The following ZNF445 variants were observed in gnomAD, a reference collection of about 807,000 sequenced individuals.
ZNF445 encodes the protein zinc finger protein 168.
ZNF445 carries 19 observed loss-of-function variants against 93.9 expected under a neutral mutation model. The observed-to-expected ratio is 0.20, with a 90% CI of 0.14 to 0.30. The LOEUF (loss-of-function observed/expected upper bound fraction) is 0.30, where lower values mean the gene tolerates loss of function less well. ZNF445 is among the 10% of genes least tolerant of loss of function. ZNF445 has a pLI of 1.00. For synonymous variants in ZNF445, 449 were observed against 446.3 expected (o/e 1.01, Z -0.08); for missense variants, 1,058 against 1,259.4 (o/e 0.84, Z 2.42).
intron 1 of ZNF445, among the ~76,000 whole-genome samples, chr3:44,474,959 G>A (rs1220405292): frequency 6.6e-6 from 1 of 151,822 alleles, no homozygotes; most frequent in Non-Finnish European, 1.5e-5. Context: ...TTAGCTGGGC[G>A]TGGTGGCGCA....
intron 1 of ZNF445, among the ~76,000 whole-genome samples, chr3:44,465,157 A>G (rs1698176885): frequency 6.6e-6 from 1 of 152,124 alleles, no homozygotes; most frequent in African/African-American, 2.4e-5. Context: ...CATTTAATTG[A>G]GACCACTGGA....
chr3:44,452,298 T>C (rs1408470709), intron 3 of ZNF445, among the ~76,000 whole-genome samples: 1 of 151,306 alleles, frequency 6.6e-6, no homozygotes, highest in Non-Finnish European at 1.5e-5. Context: ...ACACTAAAGA[T>C]GATGAACTGA....
rs1027277516 is a variant in ZNF445 at position 44,440,485 on chromosome 3, C to A, written c.*6090G>T. The A allele has an allele frequency of 3.9e-5, 6 of 152,024 alleles. No individual in the cohort carries two copies. Among genetic ancestry groups the A allele is most frequent in the Non-Finnish European group, 5.9e-5 (4 of 68,014 alleles). 9.4% of individuals were successfully genotyped at this position (152,024 alleles called of 1,614,324 possible). Reference sequence around the variant, plus strand: ...TAAAGTGCATGTCTTGGTGACTGTGCGTCAGTATATAGAGAACATCCTCAT... The same window carrying A: ...TAAAGTGCATGTCTTGGTGACTGTGAGTCAGTATATAGAGAACATCCTCAT... On this transcript the variant is annotated 3_prime_UTR_variant, in exon 8 of 8. Coordinates refer to ENST00000396077, the MANE Select transcript of ZNF445 (RefSeq NM_181489.6).
chr3:44,473,453 T>TCACACA lies in ZNF445; in HGVS notation c.-269+4132_-269+4137dup, dbSNP rs377305681. ...TGGGCAACGAGAGTGAAACTCCACTTCACACACACACACACACACACACAC... is the reference window on the plus strand; with the variant it reads ...TGGGCAACGAGAGTGAAACTCCACTTCACACACACACACACACACACACACACACAC... On this transcript the variant is annotated intron_variant, in intron 1 of 7. Transcript: ENST00000396077. Among the ~76,000 whole-genome samples, 115 of 60,856 alleles carry TCACACA rather than the reference T, an allele frequency of 1.9e-3. 1 individual carries two copies. Among genetic ancestry groups the TCACACA allele is most frequent in the Middle Eastern group, 7.6e-3 (1 of 132 alleles). 39.9% of individuals were successfully genotyped at this position (60,856 alleles called of 152,430 possible).
chr3:44,455,347 C>G lies in ZNF445; in HGVS notation c.203G>C (p.Gly68Ala), dbSNP rs1478208870. ...FRQLRYHESS[G>A]PLETLSRLRE... The stretch of plus-strand genomic sequence containing the variant: ...GAGCCGGCTCAGAGTTTCTAGGGGC[C>G]CTGAAGACTCATGGTAGCGAAGCTG... Residue 68 changes from glycine to alanine, a missense_variant, in exon 3 of 8, where the codon GGG (glycine) becomes GCG (alanine). Physicochemically the swap from Gly to Ala is moderately conservative, Grantham distance 60 (BLOSUM62 0). This residue lies in a region of ZNF445 where 657 missense variants were observed against 746.4 expected (regional missense o/e 0.88). Transcript: ENST00000396077. The G allele has an allele frequency of 1.9e-6, 3 of 1,613,962 alleles. No individual in the cohort carries two copies. The highest frequency in any genetic ancestry group is 4.5e-5 in the East Asian group (2 of 44,880).
At position 44,470,070 on chromosome 3, in the gene ZNF445, G is replaced by A. The variant is rs201945603; in HGVS notation, c.-269+7521C>T. 1.9e-4 allele frequency among the ~76,000 whole-genome samples: 29 copies of A among 152,166 alleles called. No individual in the cohort carries two copies. In the East Asian group the frequency reaches 5.7e-3, roughly 30 times the overall value. ...AACCTCCTGAATAGCTGAGACTACA[G>A]ACATGTGCCACCCTCACTCTGCCTG... is the stretch of plus-strand genomic sequence containing the variant. On this transcript the variant is annotated intron_variant, in intron 1 of 7. Coordinates refer to ENST00000396077, the MANE Select transcript of ZNF445 (RefSeq NM_181489.6).
rs1214560816 is a variant in ZNF445 at position 44,447,950 on chromosome 3, T to C, written c.1721A>G (p.Tyr574Cys). Reference protein sequence around the residue: ...AKKKFLELNQYRAALTYSSGF... With the variant: ...AKKKFLELNQCRAALTYSSGF... ...TGAGCTGTAGGTGAGAGCTGCCCTA[T>C]ACTGATTCAATTCAAGAAATTTCTT... Residue 574 changes from tyrosine to cysteine, a missense_variant, in exon 8 of 8, where the codon TAT becomes TGT. Transcript: ENST00000396077. This position sits in a 1 kb window ranked among gnomAD's most constrained non-coding sequence, Gnocchi z 4.7. 2 of 1,613,394 alleles carry C rather than the reference T, an allele frequency of 1.2e-6. No homozygotes were observed. Among genetic ancestry groups the C allele is most frequent in the Non-Finnish European group, 1.7e-6 (2 of 1,179,998 alleles).
At chr3:44,449,484 C>G (rs749924969) in intron 7 of ZNF445, 29 bp downstream of exon 7, 1 of 1,533,542 alleles carries the variant, frequency 6.5e-7, no homozygotes, top group African/African-American at 1.4e-5. Flanking sequence ...GCAGGAGGAG[C>G]AGGACCTGGC....
At chr3:44,454,929 T>G (rs756267708) in intron 3 of ZNF445, 192 bp downstream of exon 3, 35 of 636,760 alleles carry the variant, frequency 5.5e-5, no homozygotes, top group African/African-American at 7.3e-5. Flanking sequence ...TCTGGGAAGG[T>G]AGGAAAGGAT....
At chr3:44,473,387 G>A (rs1311061371) in intron 1 of ZNF445, among the ~76,000 whole-genome samples, 2 of 151,406 alleles carry the variant, frequency 1.3e-5, no homozygotes, top group Non-Finnish European at 1.5e-5. Context: ...CCAGGAGGCG[G>A]AGGTTGCAGT....
rs998744096 is a variant in ZNF445, at chr3:44,440,747, C to T, written c.*5828G>A. ...AATGGCTACTCCATAGGAAGAGTAG[C>T]CCCAAGGGCTGCTGGTTGCCTATTT... On this transcript the variant is annotated 3_prime_UTR_variant, in exon 8 of 8. Coordinates refer to ENST00000396077, the MANE Select transcript of ZNF445 (RefSeq NM_181489.6). 1.3e-5 allele frequency: 2 copies of T among 152,024 alleles called. No individual in the cohort carries two copies. Among genetic ancestry groups the T allele is most frequent in the African/African-American group, 4.8e-5 (2 of 41,320 alleles). The allele number at this position is 152,024 out of a possible 1,614,324, so 9.4% of individuals were successfully genotyped here.
intron 1 of ZNF445, among the ~76,000 whole-genome samples, chr3:44,469,619 A>G (rs1230417525): frequency 1.3e-5 from 2 of 151,946 alleles, no homozygotes; most frequent in African/African-American, 4.8e-5. Flanking sequence ...AAATACAAAA[A>G]TTAGCCAGGC....
At position 44,436,343 on chromosome 3, in the gene ZNF445, T is replaced by C. The variant is rs1000747768; in HGVS notation, c.*10232A>G. The C allele has an allele frequency of 6.6e-6, 1 of 152,182 alleles. No homozygotes were observed. Among genetic ancestry groups the C allele is most frequent in the African/African-American group, 2.4e-5 (1 of 41,452 alleles). 9.4% of individuals were successfully genotyped at this position (152,182 alleles called of 1,614,324 possible). ...CATGGCAGTCACCACACCAATTGTG[T>C]TTTTGGTGACTAAGTGTTACCATAT... On this transcript the variant is annotated 3_prime_UTR_variant, in exon 8 of 8. Coordinates refer to ENST00000396077, the MANE Select transcript of ZNF445 (RefSeq NM_181489.6).
intron 1 of ZNF445, among the ~76,000 whole-genome samples, chr3:44,462,831 TA>T (rs1250746070): frequency 6.6e-6 from 1 of 152,174 alleles, no homozygotes; most frequent in Non-Finnish European, 1.5e-5. Flanking sequence ...TTGGTATGGC[TA>T]AAGTTGGGTA....
In ZNF445 at chr3:44,444,592, G is replaced by A. The variant is rs1054979917; in HGVS notation, c.*1983C>T. On this transcript the variant is annotated 3_prime_UTR_variant, in exon 8 of 8. Transcript: ENST00000396077. Reference sequence around the variant, plus strand: ...AGTGAAGGGACATCTTCAGTGCCATGAACAGCTGCTGCCGTAGGAAGGCAA... The same window carrying A: ...AGTGAAGGGACATCTTCAGTGCCATAAACAGCTGCTGCCGTAGGAAGGCAA... 1 of 152,250 alleles carries A rather than the reference G, an allele frequency of 6.6e-6. No individual in the cohort carries two copies. The highest frequency in any genetic ancestry group is 6.6e-5 in the Admixed American group (1 of 15,266). The allele number at this position is 152,250 out of a possible 1,614,324, so 9.4% of individuals were successfully genotyped here.
At chr3:44,452,620 C>T (rs1697972100) in intron 3 of ZNF445, among the ~76,000 whole-genome samples, 2 of 152,188 alleles carry the variant, frequency 1.3e-5, no homozygotes, top group Non-Finnish European at 1.5e-5. Flanking sequence ...TTACATCTAG[C>T]TGTAAATGAG....
rs1697758334 is a variant in ZNF445 at position 44,439,223 on chromosome 3, T to A, written c.*7352A>T. On this transcript the variant is annotated 3_prime_UTR_variant, in exon 8 of 8. Coordinates refer to ENST00000396077, the MANE Select transcript of ZNF445 (RefSeq NM_181489.6). ...TAGTCAGGAGGCTGAGGCTGGAGAA[T>A]CGCTTGAGCCTGGGAAAGTGGAGGT... is the stretch of plus-strand genomic sequence containing the variant. The A allele has an allele frequency of 6.7e-6, 1 of 148,768 alleles. No homozygotes were observed. Among genetic ancestry groups the A allele is most frequent in the Non-Finnish European group, 1.5e-5 (1 of 67,742 alleles). 9.2% of individuals were successfully genotyped at this position (148,768 alleles called of 1,614,324 possible).
intron 3 of ZNF445, 45 bp downstream of exon 3, chr3:44,455,076 T>A: frequency 1.2e-6 from 2 of 1,612,598 alleles, no homozygotes; most frequent in South Asian, 2.2e-5. Context: ...GCTGGCTCAC[T>A]AGCAGGCAGA....
chr3:44,435,797 T>C lies in ZNF445; in HGVS notation c.*10778A>G, dbSNP rs974499994. 2 of 152,122 alleles carry C rather than the reference T, an allele frequency of 1.3e-5. No individual in the cohort carries two copies. Among genetic ancestry groups the C allele is most frequent in the Non-Finnish European group, 2.9e-5 (2 of 68,022 alleles). The allele number at this position is 152,122 out of a possible 1,614,324, so 9.4% of individuals were successfully genotyped here. On this transcript the variant is annotated 3_prime_UTR_variant, in exon 8 of 8. Transcript: ENST00000396077. Reference sequence around the variant, plus strand: ...GTTCAGGAATCTACTAGATCTACTGTGAGATGAATCTGAGCCAAAAAGCCC... The same window carrying C: ...GTTCAGGAATCTACTAGATCTACTGCGAGATGAATCTGAGCCAAAAAGCCC...
Sources: allele counts gnomAD v4.1 joint callset (sites outside exome capture counted in the v4.1 genomes callset), GRCh38; gene constraint gnomAD v4.1.1; regional missense constraint gnomAD v4.1.1; non-coding constraint Gnocchi (gnomAD v3.1); transcripts MANE v1.5; gene names NCBI Gene and HGNC (gene_info 2026-07-23, HGNC 2026-07-21).